Variants in PIKFYVE observed in about 807,000 individuals in gnomAD.
PIKFYVE encodes phosphoinositide kinase, FYVE-type zinc finger containing, also known as 1-phosphatidylinositol 3-phosphate 5-kinase.
In PIKFYVE, 122 loss-of-function variants were observed where a neutral mutation model predicts 257.9. The observed-to-expected ratio is 0.47, with a 90% confidence interval of 0.41 to 0.55. PIKFYVE has a LOEUF of 0.55. PIKFYVE is among the 20% of genes least tolerant of loss of function. The pLI, the probability that PIKFYVE is intolerant of heterozygous loss-of-function variation, is 0.00. For missense variants in PIKFYVE, 2,160 were observed against 2,536.6 expected (o/e 0.85, Z 3.19); for synonymous variants, 892 against 868.9 (o/e 1.03, Z -0.47).
At chr2:208,280,230 G>T (rs1210904124) in intron 5 of PIKFYVE, among the ~76,000 whole-genome samples, 7 of 152,314 alleles carry the variant, frequency 4.6e-5, no homozygotes, top group African/African-American at 1.7e-4. Flanking sequence ...CAACAGAAAT[G>T]TATGTCTCAT....
rs1240986149 is a variant in PIKFYVE, at chr2:208,320,292, A to G, written c.2123A>G (p.Lys708Arg). 6.2e-7 allele frequency: 1 copy of G among 1,611,948 alleles called. No individual in the cohort carries two copies. Among genetic ancestry groups the G allele is most frequent in the African/African-American group, 1.3e-5 (1 of 74,892 alleles). Residue 708 changes from lysine (K) to arginine (R), a missense_variant, in exon 17 of 42, where the codon AAG becomes AGG. Transcript: ENST00000264380. ...CIKNPKILLL[K>R]CSIEYLYREE... The stretch of plus-strand genomic sequence containing the variant: ...AAAAACCCCAAAATTCTTCTGTTGA[A>G]GTGTTCCATTGAGTATCTCTACAGA...
At chr2:208,276,150 AAATTTGC>A (rs1284856976) in intron 3 of PIKFYVE, among the ~76,000 whole-genome samples, 2 of 152,178 alleles carry the variant, frequency 1.3e-5, no homozygotes, top group African/African-American at 4.8e-5. Flanking sequence ...TACCATGGCA[AAATTTGC>A]CATCCTGGAT....
chr2:208,267,072 T>C (rs17652774), intron 1 of PIKFYVE, among the ~76,000 whole-genome samples: 56,506 of 152,108 alleles, frequency 0.37, 11,423 homozygotes, highest in Admixed American at 0.46. Flanking sequence ...TCAAGAAATA[T>C]AAGAAGTGCT....
Position 208,325,663 on chromosome 2 carries a change from C to T in PIKFYVE, c.2852C>T (p.Ala951Val). The T allele has an allele frequency of 1.2e-6, 2 of 1,614,118 alleles. No homozygotes were observed. The highest frequency in any genetic ancestry group is 1.7e-6 in the Non-Finnish European group (2 of 1,180,038). Residue 951 changes from alanine (A) to valine (V), a missense_variant, in exon 20 of 42, where the codon GCC (alanine) becomes GTC (valine). Physicochemically the swap from Ala to Val is moderately conservative, Grantham distance 64. This residue lies in a region of PIKFYVE where 522 missense variants were observed against 514.6 expected (regional missense o/e 1.01). Transcript: ENST00000264380. Reference sequence around the variant, plus strand: ...AATAAAAATCTTCCGCAGGCTGTTGCCTCTGTGAAGCATCAAGAACATAGC... The same window carrying T: ...AATAAAAATCTTCCGCAGGCTGTTGTCTCTGTGAAGCATCAAGAACATAGC... ...QENKNLPQAV[A>V]SVKHQEHSTT...
intron 7 of PIKFYVE, among the ~76,000 whole-genome samples, chr2:208,293,279 G>T (rs1468916286): frequency 6.6e-6 from 1 of 151,758 alleles, no homozygotes; most frequent in Non-Finnish European, 1.5e-5. Flanking sequence ...ATACATAATT[G>T]AATATATTGT....
intron 17 of PIKFYVE, among the ~76,000 whole-genome samples, chr2:208,322,874 TATG>T (rs1297181018): frequency 8.9e-6 from 1 of 112,630 alleles, no homozygotes; most frequent in African/African-American, 3.5e-5. Context: ...GGCCCCCGTG[TATG>T]ATGTTCCCCT....
intron 7 of PIKFYVE, among the ~76,000 whole-genome samples, chr2:208,296,699 A>T (rs1312591863): frequency 6.6e-6 from 1 of 152,184 alleles, no homozygotes; most frequent in East Asian, 1.9e-4. Flanking sequence ...CCAGAAAAGG[A>T]GACGGGGAGA....
intron 5 of PIKFYVE, among the ~76,000 whole-genome samples, chr2:208,284,125 A>G (rs1374793051): frequency 6.6e-6 from 1 of 152,242 alleles, no homozygotes; most frequent in Non-Finnish European, 1.5e-5. Context: ...AAAATGTTAC[A>G]GAATCACTCA....
At chr2:208,292,685 A>C (rs539950762) in intron 7 of PIKFYVE, among the ~76,000 whole-genome samples, 3 of 151,722 alleles carry the variant, frequency 2.0e-5, no homozygotes, top group Non-Finnish European at 2.9e-5. Flanking sequence ...TCCTGTTTTG[A>C]TTTCATTTAA....
chr2:208,322,256 C>G (rs1416473594), intron 17 of PIKFYVE, among the ~76,000 whole-genome samples: 1 of 150,744 alleles, frequency 6.6e-6, no homozygotes, highest in Non-Finnish European at 1.5e-5. Flanking sequence ...TGATGTGTGC[C>G]TGTAGTCCTA....
Position 208,354,168 on chromosome 2 carries a change from A to G in PIKFYVE, c.6106+9A>G, listed in dbSNP as rs376134516. 34 of 1,611,786 alleles carry G rather than the reference A, an allele frequency of 2.1e-5. No individual in the cohort carries two copies. In the Middle Eastern group the frequency reaches 6.6e-4, roughly 31 times the overall value. On this transcript the variant is annotated intron_variant, in intron 40 of 41. Coordinates refer to ENST00000264380, the MANE Select transcript of PIKFYVE (RefSeq NM_015040.4). ...AGTAGTTGGAATTATAGGTAAGTCAATGAGTACCCTGCTTATATTTCATGA... is the reference window on the plus strand; with the variant it reads ...AGTAGTTGGAATTATAGGTAAGTCAGTGAGTACCCTGCTTATATTTCATGA...
chr2:208,354,641 A>T lies in PIKFYVE; in HGVS notation c.6177A>T (p.Gly2059=). 1.9e-6 allele frequency: 3 copies of T among 1,610,984 alleles called. No individual in the cohort carries two copies. Among genetic ancestry groups the T allele is most frequent in the Non-Finnish European group, 2.5e-6 (3 of 1,177,272 alleles). The change falls in exon 41 of 42, where the codon GGA becomes GGT. Residue 2059 remains glycine (G), a synonymous_variant. Coordinates refer to ENST00000264380, the MANE Select transcript of PIKFYVE (RefSeq NM_015040.4). ...MVVKSTGILG[G]QGKMPTVVSP... is the part of the protein sequence containing the mutation. ...TGAAATCAACAGGAATTTTAGGTGG[A>T]CAAGGTGAGAATTTTTGTTTTGTTT...
rs764551623 is a variant in PIKFYVE, at chr2:208,346,076, G to C, written c.5138G>C (p.Ser1713Thr). 5.0e-6 allele frequency: 8 copies of C among 1,613,150 alleles called. No individual in the cohort carries two copies. The highest frequency in any genetic ancestry group is 6.8e-6 in the Non-Finnish European group (8 of 1,179,484). Residue 1713 changes from serine to threonine, a missense_variant, in exon 34 of 42, where the codon AGC becomes ACC. Ser to Thr is a moderately conservative substitution (Grantham distance 58, BLOSUM62 1). Coordinates refer to ENST00000264380, the MANE Select transcript of PIKFYVE (RefSeq NM_015040.4). ...ACTTCAGATAGCAGACCAAAGAGTA[G>C]CAGCCCTATCAGATTACCTGAAATG... Reference protein sequence around the residue: ...NSTSDSRPKSSSPIRLPEMSG... With the variant: ...NSTSDSRPKSTSPIRLPEMSG...
At chr2:208,354,327 A>C (rs1277052692) in intron 40 of PIKFYVE, among the ~76,000 whole-genome samples, 168 bp downstream of exon 40, 1 of 152,170 alleles carries the variant, frequency 6.6e-6, no homozygotes, top group Non-Finnish European at 1.5e-5. Flanking sequence ...CAGTTTCCTC[A>C]TTTTCATTAT....
intron 26 of PIKFYVE, 45 bp from the exon 27 acceptor site, chr2:208,336,001 G>A (rs1698105511): frequency 1.9e-6 from 3 of 1,610,898 alleles, no homozygotes; most frequent in African/African-American, 1.3e-5. Context: ...TTTGGGGTAT[G>A]TCTGTATAGT....
chr2:208,301,220 G>A (rs1574515323), intron 9 of PIKFYVE, 126 bp downstream of exon 9: 2 of 1,218,256 alleles, frequency 1.6e-6, no homozygotes, highest in Non-Finnish European at 2.3e-6. Context: ...GTAATTGATG[G>A]TTTAGGGTGC....
At chr2:208,317,275 A>G (rs1391673415) in intron 15 of PIKFYVE, among the ~76,000 whole-genome samples, 1 of 152,054 alleles carries the variant, frequency 6.6e-6, no homozygotes, top group Non-Finnish European at 1.5e-5. Context: ...ATGAACTCAA[A>G]CAAATTTACA....
In PIKFYVE at chr2:208,351,337, A is replaced by G. The variant is rs1559177735; in HGVS notation, c.5612-15A>G. The G allele has an allele frequency of 6.4e-7, 1 of 1,565,404 alleles. No individual in the cohort carries two copies. The highest frequency in any genetic ancestry group is 8.8e-7 in the Non-Finnish European group (1 of 1,135,938). On this transcript the variant is annotated splice_polypyrimidine_tract_variant and intron_variant, in intron 37 of 41. Transcript: ENST00000264380. ...TATTGTGATTGAGTAAACACATAAAATTTCTGCCTTTTAGATGATAGATTT... is the reference window on the plus strand; with the variant it reads ...TATTGTGATTGAGTAAACACATAAAGTTTCTGCCTTTTAGATGATAGATTT...
rs759019181 is a variant in PIKFYVE, at chr2:208,339,525, C to G, written c.4780C>G (p.Pro1594Ala). The G allele has an allele frequency of 6.2e-7, 1 of 1,614,078 alleles. No homozygotes were observed. Among genetic ancestry groups the G allele is most frequent in the South Asian group, 1.1e-5 (1 of 91,080 alleles). The change falls in exon 30 of 42, where the codon CCT becomes GCT. Residue 1594 changes from proline (P) to alanine (A), a missense_variant. Pro to Ala is a conservative substitution (Grantham distance 27). This residue lies in a region of PIKFYVE where 699 missense variants were observed against 855.8 expected (regional missense o/e 0.82). Transcript: ENST00000264380. The stretch of plus-strand genomic sequence containing the variant: ...GTCTGAACAGTCAGTGGGAGGGCCC[C>G]CTGAGCTAGATACAGCCAGCAGTTC... ...VMSEQSVGGP[P>A]ELDTASSSED... is the part of the protein sequence containing the mutation.
Sources: gnomAD v4.1 joint callset for allele counts (sites outside exome capture counted in the v4.1 genomes callset) on GRCh38, gnomAD v4.1.1 for gene constraint, gnomAD v4.1.1 regional missense constraint, MANE v1.5 for transcripts, NCBI Gene and HGNC (gene_info 2026-07-23, HGNC 2026-07-21) for gene names.